ZNF623: variants seen among roughly 807,000 people sequenced by gnomAD.
ZNF623 encodes the protein zinc finger protein 623.
In ZNF623, 16 loss-of-function variants were observed where a neutral mutation model predicts 24.0. That is an observed-to-expected ratio of 0.67 (90% CI 0.45 to 1.01). The LOEUF is 1.01. Ranked by LOEUF, ZNF623 falls within the 50% of genes least tolerant of loss-of-function variation. The pLI is 0.00. For missense variants in ZNF623, 566 were observed against 606.5 expected (o/e 0.93, Z 0.70); for synonymous variants, 224 against 219.8 (o/e 1.02, Z -0.17).
In ZNF623 at chr8:143,650,527, A is replaced by C. The variant is rs756729441; in HGVS notation, c.535A>C (p.Ser179Arg). 3.8e-5 allele frequency: 62 copies of C among 1,614,202 alleles called. 1 individual carries two copies. The East Asian group carries it at 1.3e-3, about 34-fold the overall frequency. Residue 179 changes from serine (S) to arginine (R), a missense_variant, in exon 2 of 2, where the codon AGT becomes CGT. Ser to Arg is a moderately radical substitution (Grantham distance 110). This residue lies in a region of ZNF623 where 313 missense variants were observed against 300.4 expected (regional missense o/e 1.04). Transcript: ENST00000526926. The surrounding 1 kb of genome is among the most constrained non-coding windows in gnomAD (Gnocchi z 5.2). ...GCAGTGTGGGAAGGCGTTTTGTCAC[A>C]GTTCAGACCTGATTAGGCACCAGAG... ...CAQCGKAFCH[S>R]SDLIRHQRVH...
chr8:143,639,364 C>T (rs1467685965), intron 1 of ZNF623, among the ~76,000 whole-genome samples: 1 of 151,880 alleles, frequency 6.6e-6, no homozygotes, highest in Non-Finnish European at 1.5e-5. Context: ...GCTGGGATTA[C>T]AAGCATGTGC....
intron 1 of ZNF623, among the ~76,000 whole-genome samples, chr8:143,648,540 G>A (rs112185615): frequency 2.6e-3 from 398 of 152,166 alleles, no homozygotes; most frequent in Non-Finnish European, 3.9e-3. Context: ...GGCCCATGAC[G>A]TGCATTTTTC....
At position 143,652,435 on chromosome 8, in the gene ZNF623, T is replaced by G. The variant is rs1250522027; in HGVS notation, c.*952T>G. ...CTTTCTATACTGCCATTCTAAAAAT[T>G]TTCAGCTGTTGGCTGTTTTTTTTGT... On this transcript the variant is annotated 3_prime_UTR_variant, in exon 2 of 2. Transcript: ENST00000526926. 6.0e-6 allele frequency: 1 copy of G among 167,112 alleles called. No homozygotes were observed. Among genetic ancestry groups the G allele is most frequent in the African/African-American group, 2.4e-5 (1 of 41,460 alleles). The allele number at this position is 167,112 out of a possible 1,614,324, so 10.4% of individuals were successfully genotyped here. A position where few individuals can be genotyped will look rare whatever the true frequency, so the allele number is the denominator to read the frequency against.
intron 1 of ZNF623, among the ~76,000 whole-genome samples, chr8:143,648,089 T>G (rs7835629): frequency 1 from 151,598 of 152,308 alleles, 75,449 homozygotes; most frequent in Middle Eastern, 1. Flanking sequence ...GGTCAGGTGT[T>G]GGGGCTGGAA....
rs1357396219 is a variant in ZNF623, at chr8:143,650,589, G to T, written c.597G>T (p.Glu199Asp). 2 of 1,614,188 alleles carry T rather than the reference G, an allele frequency of 1.2e-6. No individual in the cohort carries two copies. Among genetic ancestry groups the T allele is most frequent in the East Asian group, 2.2e-5 (1 of 44,884 alleles). Residue 199 changes from glutamate (E) to aspartate (D), a missense_variant, in exon 2 of 2, where the codon GAG (glutamate) becomes GAT (aspartate). Glu to Asp is a conservative substitution (Grantham distance 45). Transcript: ENST00000526926. This position sits in a 1 kb window ranked among gnomAD's most constrained non-coding sequence, Gnocchi z 5.2. The part of the protein sequence containing the change: ...HTRERPFECK[E>D]CGKGFSQSSL... ...GAGAGAGACCTTTTGAATGCAAAGAGTGTGGGAAAGGCTTCAGTCAGAGCT... is the reference window on the plus strand; with the variant it reads ...GAGAGAGACCTTTTGAATGCAAAGATTGTGGGAAAGGCTTCAGTCAGAGCT...
At chr8:143,647,459 G>A (rs1393816304) in intron 1 of ZNF623, among the ~76,000 whole-genome samples, 1 of 152,252 alleles carries the variant, frequency 6.6e-6, no homozygotes, top group Non-Finnish European at 1.5e-5. Context: ...ACCATGCCCA[G>A]CCAGCCTTGC....
chr8:143,651,847 A>AT lies in ZNF623; in HGVS notation c.*365dup, dbSNP rs2131461221. ...GTATCTAATCTTACGATTTAGGAGA[A>AT]TGTTACCTAGGACATTTTGATGTGT... On this transcript the variant is annotated 3_prime_UTR_variant, in exon 2 of 2. Transcript: ENST00000526926. 1 of 213,868 alleles carries AT rather than the reference A, an allele frequency of 4.7e-6. No individual in the cohort carries two copies. The highest frequency in any genetic ancestry group is 1.2e-4 in the East Asian group (1 of 8,096). The allele number at this position is 213,868 out of a possible 1,614,324, so 13.2% of individuals were successfully genotyped here.
rs1165801381 is a variant in ZNF623 at position 143,650,542 on chromosome 8, A to G, written c.550A>G (p.Arg184Gly). 2 of 1,614,046 alleles carry G rather than the reference A, an allele frequency of 1.2e-6. No individual in the cohort carries two copies. Among genetic ancestry groups the G allele is most frequent in the African/African-American group, 2.7e-5 (2 of 74,910 alleles). The part of the protein sequence containing the change: ...KAFCHSSDLI[R>G]HQRVHTRERP... ...GTTTTGTCACAGTTCAGACCTGATT[A>G]GGCACCAGAGAGTTCACACCAGAGA... The change falls in exon 2 of 2, where the codon AGG becomes GGG. Residue 184 changes from arginine (R) to glycine (G), a missense_variant. Transcript: ENST00000526926. The surrounding 1 kb of genome is among the most constrained non-coding windows in gnomAD (Gnocchi z 5.2).
intron 1 of ZNF623, among the ~76,000 whole-genome samples, chr8:143,642,000 C>T (rs1263672023): frequency 1.3e-5 from 2 of 152,188 alleles, no homozygotes; most frequent in Non-Finnish European, 2.9e-5. Flanking sequence ...CGAGAGTCAG[C>T]CTGTCCTTTT....
At chr8:143,637,800 G>A (rs1329497449) in intron 1 of ZNF623, among the ~76,000 whole-genome samples, 4 of 152,062 alleles carry the variant, frequency 2.6e-5, no homozygotes, top group East Asian at 3.9e-4. Flanking sequence ...TGCCCACCTC[G>A]GCTTCCCAAA....
intron 1 of ZNF623, among the ~76,000 whole-genome samples, chr8:143,638,599 G>A (rs569866920): frequency 4.3e-4 from 65 of 151,594 alleles, no homozygotes; most frequent in African/African-American, 1.4e-3. Context: ...TTAGCCGGGC[G>A]TGGTGGCAGG....
At chr8:143,646,425 A>G (rs1364929861) in intron 1 of ZNF623, among the ~76,000 whole-genome samples, 1 of 152,154 alleles carries the variant, frequency 6.6e-6, no homozygotes, top group Non-Finnish European at 1.5e-5. Flanking sequence ...GTATTACTTT[A>G]TGCCAGAAAT....
rs143714173 is a variant in ZNF623 at position 143,641,898 on chromosome 8, A to G, written c.-96+5753A>G. 8.9e-4 allele frequency among the ~76,000 whole-genome samples: 135 copies of G among 152,370 alleles called. 3 individuals carry two copies. In the East Asian group the frequency reaches 0.02, roughly 22 times the overall value. ...TTGTTATTCCATTTCCAACACAGGC[A>G]GAGTGGATTTAGCATCATTCTTAAG... On this transcript the variant is annotated intron_variant, in intron 1 of 1. Transcript: ENST00000526926.
chr8:143,644,427 C>T (rs184646356), intron 1 of ZNF623, among the ~76,000 whole-genome samples: 24 of 152,226 alleles, frequency 1.6e-4, no homozygotes, highest in African/African-American at 5.5e-4. Flanking sequence ...GTATTGAAGA[C>T]AGTAGTAGTG....
intron 1 of ZNF623, among the ~76,000 whole-genome samples, chr8:143,640,138 A>G (rs574813195): frequency 3.1e-4 from 47 of 152,372 alleles, no homozygotes; most frequent in Middle Eastern, 3.4e-3. Flanking sequence ...AGCAAGTCAC[A>G]GAAACTTCTT....
Position 143,652,805 on chromosome 8 carries a change from T to G in ZNF623, c.*1322T>G, listed in dbSNP as rs1026682500. ...AGGTTGAACTGAGCTCTTGTCATTT[T>G]CCATGCTCTCTGGCTCATTGTGTCA... On this transcript the variant is annotated 3_prime_UTR_variant, in exon 2 of 2. Coordinates refer to ENST00000526926, the MANE Select transcript of ZNF623 (RefSeq NM_001261843.2). 1.2e-5 allele frequency: 2 copies of G among 167,138 alleles called. No homozygotes were observed. The highest frequency in any genetic ancestry group is 4.8e-5 in the African/African-American group (2 of 41,464). The allele number at this position is 167,138 out of a possible 1,614,324, so 10.4% of individuals were successfully genotyped here.
intron 1 of ZNF623, among the ~76,000 whole-genome samples, chr8:143,643,408 A>G (rs1027844725): frequency 6.6e-6 from 1 of 152,172 alleles, no homozygotes; most frequent in Admixed American, 6.5e-5. Context: ...GTTTGTGTAA[A>G]TTGTTTTTGG....
At chr8:143,648,822 T>C (rs1323209248) in intron 1 of ZNF623, among the ~76,000 whole-genome samples, 1 of 152,020 alleles carries the variant, frequency 6.6e-6, no homozygotes, top group Non-Finnish European at 1.5e-5. Flanking sequence ...TTTCTTCTGT[T>C]TTCTCATTGA....
At position 143,652,083 on chromosome 8, in the gene ZNF623, G is replaced by T. The variant is rs938747979; in HGVS notation, c.*600G>T. On this transcript the variant is annotated 3_prime_UTR_variant, in exon 2 of 2. Transcript: ENST00000526926. ...CTCCACGTGGCTTCCTACCTCTCTC[G>T]CCTTTGTTCTTGTTGAAGGGTCTCT... 6.1e-6 allele frequency: 1 copy of T among 163,478 alleles called. No homozygotes were observed. Among genetic ancestry groups the T allele is most frequent in the Non-Finnish European group, 1.5e-5 (1 of 68,226 alleles). The allele number at this position is 163,478 out of a possible 1,614,324, so 10.1% of individuals were successfully genotyped here. A position where few individuals can be genotyped will look rare whatever the true frequency, so the allele number is the denominator to read the frequency against.
Sources: gnomAD v4.1 joint callset for allele counts (sites outside exome capture counted in the v4.1 genomes callset) on GRCh38, gnomAD v4.1.1 for gene constraint, gnomAD v4.1.1 regional missense constraint, Gnocchi (gnomAD v3.1) non-coding constraint, MANE v1.5 for transcripts, NCBI Gene and HGNC (gene_info 2026-07-23, HGNC 2026-07-21) for gene names.